AK5: variants seen among roughly 807,000 people sequenced by gnomAD.
The protein encoded by AK5 is adenylate kinase 5.
AK5 carries 27 observed loss-of-function variants against 69.5 expected under a neutral mutation model. The observed-to-expected ratio is 0.39, with a 90% CI of 0.29 to 0.54. AK5 has a LOEUF of 0.54. AK5 is among the 20% of genes least tolerant of loss of function. AK5 has a pLI of 0.71. For synonymous variants in AK5, 260 were observed against 244.4 expected, an observed-to-expected ratio of 1.06 and a Z score of -0.60; for missense variants, 531 against 700.4, an observed-to-expected ratio of 0.76 and a Z score of 2.73.
rs143949320 is a variant in AK5 at position 77,315,255 on chromosome 1, C to G, written c.699+17308C>G. Among the ~76,000 whole-genome samples, 177 of 152,130 alleles carry G rather than the reference C, an allele frequency of 1.2e-3. 1 individual carries two copies. The highest frequency in any genetic ancestry group is 4.1e-3 in the African/African-American group (168 of 41,458). On this transcript the variant is annotated intron_variant, in intron 5 of 13. Coordinates refer to ENST00000354567, the MANE Select transcript of AK5 (RefSeq NM_174858.3). ...ATACAAGGAAGGATGTGTATAGATT[C>G]TTGCTCTCACATTTTTGTTTTTTTC...
rs182892829 is a variant in AK5, at chr1:77,516,997, G to C, written c.1148-1567G>C. Among the ~76,000 whole-genome samples, 241 of 151,920 alleles carry C rather than the reference G, an allele frequency of 1.6e-3. 4 individuals are homozygous for C. In the Middle Eastern group the frequency reaches 0.027, roughly 17 times the overall value. On this transcript the variant is annotated intron_variant, in intron 10 of 13. Transcript: ENST00000354567. Reference sequence around the variant, plus strand: ...GAGGCAGGAGAATCACTTGAACCTGGGGGGTGGAGGTTGCAGTGGGCTGAG... The same window carrying C: ...GAGGCAGGAGAATCACTTGAACCTGCGGGGTGGAGGTTGCAGTGGGCTGAG...
intron 6 of AK5, among the ~76,000 whole-genome samples, chr1:77,364,353 C>T (rs1194621358): frequency 6.6e-6 from 1 of 152,184 alleles, no homozygotes; most frequent in Admixed American, 6.5e-5. Context: ...TCATTTCAAA[C>T]ATTAATCATT....
At chr1:77,391,335 A>G (rs1331919898) in intron 6 of AK5, among the ~76,000 whole-genome samples, 3 of 150,968 alleles carry the variant, frequency 2.0e-5, no homozygotes, top group Non-Finnish European at 4.4e-5. Flanking sequence ...AGGCATAGGC[A>G]CATCACCCTG....
intron 6 of AK5, among the ~76,000 whole-genome samples, chr1:77,392,988 G>T (rs139361180): frequency 6.6e-6 from 1 of 151,742 alleles, no homozygotes; most frequent in Non-Finnish European, 1.5e-5. Flanking sequence ...GCTGGAGTGC[G>T]GTGATGTGAT....
At chr1:77,422,489 G>T (rs1308717052) in intron 8 of AK5, among the ~76,000 whole-genome samples, 1 of 152,102 alleles carries the variant, frequency 6.6e-6, no homozygotes, top group Non-Finnish European at 1.5e-5. Context: ...CACACTGACT[G>T]CTCCAGCCAC....
chr1:77,462,128 T>A (rs147609444), intron 8 of AK5, among the ~76,000 whole-genome samples: 34 of 152,368 alleles, frequency 2.2e-4, no homozygotes, highest in African/African-American at 7.7e-4. Flanking sequence ...CAAGCTCTTA[T>A]CCTACTCGAA....
At chr1:77,491,375 C>T (rs866023972) in intron 10 of AK5, among the ~76,000 whole-genome samples, 20 of 126,066 alleles carry the variant, frequency 1.6e-4, no homozygotes, top group African/African-American at 6.1e-4. Flanking sequence ...GGTGCTATCT[C>T]GGCTCACTGC....
intron 8 of AK5, among the ~76,000 whole-genome samples, chr1:77,482,628 C>T (rs899655418): frequency 3.9e-5 from 6 of 151,942 alleles, no homozygotes; most frequent in Non-Finnish European, 5.9e-5. Flanking sequence ...CAAAAATTAG[C>T]GCAGCACGGT....
In AK5 at chr1:77,516,461, T is replaced by C. The variant is rs150454076; in HGVS notation, c.1148-2103T>C. The stretch of plus-strand genomic sequence containing the variant: ...AAAGATTATGTGAGGTGGAGGTTTA[T>C]TAACTTGATTGTGGTAATTATTTCA... On this transcript the variant is annotated intron_variant, in intron 10 of 13. Coordinates refer to ENST00000354567, the MANE Select transcript of AK5 (RefSeq NM_174858.3). Among the ~76,000 whole-genome samples, 461 of 152,276 alleles carry C rather than the reference T, an allele frequency of 3.0e-3. 4 individuals carry two copies. Among genetic ancestry groups the C allele is most frequent in the East Asian group, 0.021 (110 of 5,182 alleles).
intron 13 of AK5, among the ~76,000 whole-genome samples, chr1:77,537,087 G>T (rs1022436992): frequency 5.3e-5 from 8 of 152,120 alleles, no homozygotes; most frequent in Non-Finnish European, 8.8e-5. Flanking sequence ...GTTTCAGTAG[G>T]AGAGAGAGAC....
At chr1:77,393,008 C>T (rs1330719669) in intron 6 of AK5, among the ~76,000 whole-genome samples, 2 of 152,112 alleles carry the variant, frequency 1.3e-5, no homozygotes, top group Non-Finnish European at 2.9e-5. Flanking sequence ...TCACAGCTCA[C>T]TGCAGTCTCG....
rs1206468520 is a variant in AK5, at chr1:77,480,156, G to GTGTA, written c.1060-3160_1060-3159insGTAT. Among the ~76,000 whole-genome samples the GTGTA allele has an allele frequency of 4.4e-4, 66 of 151,526 alleles. 1 individual carries two copies. The highest frequency in any genetic ancestry group is 6.8e-4 in the African/African-American group (28 of 41,286). On this transcript the variant is annotated intron_variant, in intron 8 of 13. Coordinates refer to ENST00000354567, the MANE Select transcript of AK5 (RefSeq NM_174858.3). Reference sequence around the variant, plus strand: ...TGTGTGTGTGTGTGTGTGTGTGTGTGTAAGATGCCAGATTAATTTTGTTTA... The same window carrying GTGTA: ...TGTGTGTGTGTGTGTGTGTGTGTGTGTGTATAAGATGCCAGATTAATTTTGTTTA...
intron 6 of AK5, among the ~76,000 whole-genome samples, chr1:77,395,028 C>A (rs1648740126): frequency 6.7e-6 from 1 of 148,908 alleles, no homozygotes; most frequent in African/African-American, 2.5e-5. Flanking sequence ...CCCTCCTCTC[C>A]CTCATTTGTT....
chr1:77,356,896 G>T (rs1376385716), intron 6 of AK5, among the ~76,000 whole-genome samples: 1 of 152,168 alleles, frequency 6.6e-6, no homozygotes, highest in Non-Finnish European at 1.5e-5. Context: ...GCTGAGAAAA[G>T]TGAACACAGC....
At chr1:77,517,154 C>T (rs893161405) in intron 10 of AK5, among the ~76,000 whole-genome samples, 2 of 150,926 alleles carry the variant, frequency 1.3e-5, no homozygotes, top group Non-Finnish European at 2.9e-5. Flanking sequence ...AGTTGGGGTG[C>T]TGCTGTAGGG....
intron 2 of AK5, 23 bp from the exon 3 acceptor site, chr1:77,293,770 A>G: frequency 6.4e-7 from 1 of 1,565,452 alleles, no homozygotes; most frequent in Non-Finnish European, 8.6e-7. Flanking sequence ...TTTCCTTTTC[A>G]AAGTTATCTT....
chr1:77,519,507 T>C (rs1314921211), intron 11 of AK5, among the ~76,000 whole-genome samples: 1 of 152,218 alleles, frequency 6.6e-6, no homozygotes, highest in Non-Finnish European at 1.5e-5. Context: ...GAGAGGGTTC[T>C]TGGATCTTGT....
chr1:77,329,722 T>C (rs1660989727), intron 5 of AK5, among the ~76,000 whole-genome samples: 1 of 152,164 alleles, frequency 6.6e-6, no homozygotes, highest in South Asian at 2.1e-4. Context: ...AAGAATTCCT[T>C]TTATCTGGGC....
intron 6 of AK5, among the ~76,000 whole-genome samples, chr1:77,407,340 GGATATAACAACATT>G (rs1376160112): frequency 2.0e-5 from 3 of 152,066 alleles, no homozygotes; most frequent in Non-Finnish European, 2.9e-5. Flanking sequence ...AATGAACTAA[GGATATAACAACATT>G]GATGAATCTC....
Sources: gnomAD v4.1 joint callset for allele counts (sites outside exome capture counted in the v4.1 genomes callset) on GRCh38, gnomAD v4.1.1 for gene constraint, MANE v1.5 for transcripts, NCBI Gene and HGNC (gene_info 2026-07-23, HGNC 2026-07-21) for gene names.